Variants in ABCC1 observed in about 807,000 individuals in gnomAD.
ABCC1 encodes ATP binding cassette subfamily C member 1 (ABCC1 blood group), also known as multidrug resistance-associated protein 1.
In ABCC1, 83 loss-of-function variants were observed where a neutral mutation model predicts 172.9. That is an observed-to-expected ratio of 0.48 (90% CI 0.40 to 0.58). The LOEUF is 0.58. ABCC1 is among the 20% of genes least tolerant of loss of function. The pLI is 0.00. For synonymous variants in ABCC1, 937 were observed against 825.2 expected (o/e 1.14, Z -2.32); for missense variants, 1,817 against 2,002.7 (o/e 0.91, Z 1.77).
At chr16:16,102,817 A>G (rs1235026157) in intron 20 of ABCC1, 100 bp downstream of exon 20, 6 of 1,158,802 alleles carry the variant, frequency 5.2e-6, no homozygotes, top group Non-Finnish European at 7.4e-6. Flanking sequence ...GAGGTCCTGG[A>G]AGGCCTGGGC....
chr16:16,140,067 CCA>C (rs1337931969), intron 30 of ABCC1, among the ~76,000 whole-genome samples: 1 of 152,178 alleles, frequency 6.6e-6, no homozygotes, highest in Non-Finnish European at 1.5e-5. Flanking sequence ...GGCCTGCAGG[CCA>C]CAGTTTGCCA....
intron 22 of ABCC1, among the ~76,000 whole-genome samples, chr16:16,112,141 C>T (rs1433439794): frequency 6.6e-6 from 1 of 152,042 alleles, no homozygotes; most frequent in Non-Finnish European, 1.5e-5. Flanking sequence ...TGCTTGAGGC[C>T]AGATATTCGA....
Position 16,137,129 on chromosome 16 carries a change from C to T in ABCC1, c.4292+485C>T, listed in dbSNP as rs45579932. 1.4e-4 allele frequency among the ~76,000 whole-genome samples: 21 copies of T among 152,286 alleles called. No homozygotes were observed. The East Asian group carries it at 2.9e-3, about 21-fold the overall frequency. Reference sequence around the variant, plus strand: ...AGTGCCTGGTTCTGGTTCTGTTATCCGTCTCCATGACAACCAACCATAAAG... The same window carrying T: ...AGTGCCTGGTTCTGGTTCTGTTATCTGTCTCCATGACAACCAACCATAAAG... On this transcript the variant is annotated intron_variant, in intron 29 of 30. Transcript: ENST00000399410.
chr16:16,025,490 C>T (rs2048338516), intron 5 of ABCC1, among the ~76,000 whole-genome samples: 1 of 152,208 alleles, frequency 6.6e-6, no homozygotes, highest in Non-Finnish European at 1.5e-5. Flanking sequence ...CTGCTCTAAA[C>T]ATTATTGCTG....
intron 23 of ABCC1, among the ~76,000 whole-genome samples, chr16:16,120,751 T>G (rs2045112851): frequency 6.6e-6 from 1 of 151,874 alleles, no homozygotes; most frequent in African/African-American, 2.4e-5. Context: ...CAGGATGAGA[T>G]GAGTTGAGGG....
chr16:16,086,326 G>A (rs534340690), intron 17 of ABCC1, among the ~76,000 whole-genome samples: 4 of 152,340 alleles, frequency 2.6e-5, no homozygotes, highest in African/African-American at 7.2e-5. Flanking sequence ...TGGAGCTGGG[G>A]CCTGGCTCCA....
chr16:16,080,146 C>G (rs1468339953), intron 16 of ABCC1, among the ~76,000 whole-genome samples: 1 of 152,120 alleles, frequency 6.6e-6, no homozygotes, highest in Non-Finnish European at 1.5e-5. Context: ...CACGAAGACT[C>G]CCTGGTACGC....
intron 1 of ABCC1, among the ~76,000 whole-genome samples, chr16:15,964,650 A>G (rs1012421940): frequency 6.6e-6 from 1 of 151,832 alleles, no homozygotes; most frequent in African/African-American, 2.4e-5. Context: ...ATTATGTTGT[A>G]ATCATTACTC....
At chr16:16,030,001 G>A (rs527367530) in intron 5 of ABCC1, among the ~76,000 whole-genome samples, 1 of 152,196 alleles carries the variant, frequency 6.6e-6, no homozygotes, top group South Asian at 2.1e-4. Context: ...ATGGAAAAGA[G>A]TTTCCCCTTC....
chr16:15,950,701 C>A (rs2077526826), intron 1 of ABCC1, among the ~76,000 whole-genome samples: 1 of 152,196 alleles, frequency 6.6e-6, no homozygotes, highest in African/African-American at 2.4e-5. Flanking sequence ...GCACTTCTGT[C>A]TCGTGCTGTC....
chr16:16,019,183 C>T (rs1436330039), intron 5 of ABCC1, among the ~76,000 whole-genome samples: 1 of 152,074 alleles, frequency 6.6e-6, no homozygotes, highest in Non-Finnish European at 1.5e-5. Context: ...CGGCCCACTG[C>T]AACCCCGCCT....
intron 5 of ABCC1, among the ~76,000 whole-genome samples, chr16:16,030,570 G>A (rs149844178): frequency 6.6e-6 from 1 of 152,076 alleles, no homozygotes; most frequent in African/African-American, 2.4e-5. Context: ...GTTTCAGCCT[G>A]TTGTACTTAT....
chr16:16,082,066 C>G (rs1004123811), intron 16 of ABCC1, among the ~76,000 whole-genome samples: 4 of 152,144 alleles, frequency 2.6e-5, no homozygotes, highest in Non-Finnish European at 5.9e-5. Context: ...AGCCCATGCT[C>G]CCCACCAAGT....
chr16:15,995,646 A>G (rs2047029930), intron 1 of ABCC1, among the ~76,000 whole-genome samples: 3 of 152,146 alleles, frequency 2.0e-5, no homozygotes. Context: ...ACTGAGCAAT[A>G]AGAACCCGAC....
At chr16:16,063,691 T>C (rs1334240864) in intron 12 of ABCC1, among the ~76,000 whole-genome samples, 1 of 152,150 alleles carries the variant, frequency 6.6e-6, no homozygotes, top group African/African-American at 2.4e-5. Flanking sequence ...GTTCCCAAGA[T>C]AATGTTGGGA....
chr16:15,962,724 G>A (rs544260035), intron 1 of ABCC1, among the ~76,000 whole-genome samples: 66 of 152,260 alleles, frequency 4.3e-4, no homozygotes, highest in Admixed American at 6.5e-4. Context: ...GAACAGCATG[G>A]GGGAACCGCT....
intron 19 of ABCC1, 30 bp from the exon 20 acceptor site, chr16:16,102,597 C>T (rs1326608879): frequency 6.4e-7 from 1 of 1,554,080 alleles, no homozygotes; most frequent in Non-Finnish European, 8.7e-7. Flanking sequence ...CATATAACCC[C>T]ACTTGCCCCC....
chr16:16,089,834 CTG>C (rs2051168087), intron 18 of ABCC1, among the ~76,000 whole-genome samples: 1 of 147,320 alleles, frequency 6.8e-6, no homozygotes, highest in Non-Finnish European at 1.5e-5. Flanking sequence ...TGAGCCGAGA[CTG>C]TGCCACTGCA....
At chr16:16,122,438 A>T (rs2045210615) in intron 24 of ABCC1, among the ~76,000 whole-genome samples, 1 of 149,398 alleles carries the variant, frequency 6.7e-6, no homozygotes, top group Admixed American at 6.7e-5. Flanking sequence ...GCTTCCCGTT[A>T]ACTGTCATCC....
Sources: gnomAD v4.1 joint callset for allele counts (sites outside exome capture counted in the v4.1 genomes callset) on GRCh38, gnomAD v4.1.1 for gene constraint, MANE v1.5 for transcripts, NCBI Gene and HGNC (gene_info 2026-07-23, HGNC 2026-07-21) for gene names.